Variants in MXRA7 observed in about 807,000 individuals in gnomAD.
MXRA7 encodes matrix-remodeling-associated protein 7.
In MXRA7, 18 loss-of-function variants were observed where a neutral mutation model predicts 17.4. The ratio of observed to expected loss-of-function variants is 1.03; its 90% CI spans 0.71 to 1.53. The LOEUF is 1.53. Among genes scored for constraint, MXRA7 ranks in the 40% most tolerant of loss-of-function variants. MXRA7 has a pLI of 0.00. For synonymous variants in MXRA7, 70 were observed against 101.7 expected (o/e 0.69, Z 1.87); for missense variants, 141 against 209.3 (o/e 0.67, Z 2.01).
intron 1 of MXRA7, chr17:76,688,539 G>A: frequency 7.8e-7 from 1 of 1,275,912 alleles, no homozygotes; most frequent in South Asian, 3.1e-5. Context: ...CAAGAGGAAA[G>A]CTGGCTGGGG....
intron 2 of MXRA7, 114 bp downstream of exon 2, chr17:76,687,999 T>TCCCCCCCCCC: frequency 1.2e-6 from 1 of 801,728 alleles, no homozygotes; most frequent in Non-Finnish European, 2.0e-6. Context: ...CAGGCCACTG[T>TCCCCCCCCCC]CCCACCCCAT....
In MXRA7 at chr17:76,707,626, C is replaced by A. The variant is rs547423658; in HGVS notation, c.342+2979G>T. 3.9e-5 allele frequency among the ~76,000 whole-genome samples: 6 copies of A among 152,214 alleles called. No homozygotes were observed. The South Asian group carries it at 1.2e-3, about 32-fold the overall frequency. The stretch of plus-strand genomic sequence containing the variant: ...GGCTCTAGTCTGTCTATGAGCAGAG[C>A]TAGGCCCCAAGTACCGAGATACTTG... On this transcript the variant is annotated intron_variant, in intron 1 of 3. Transcript: ENST00000449428.
chr17:76,688,060 A>C lies in MXRA7; in HGVS notation c.406+53T>G, dbSNP rs2076422402. 16 of 1,561,778 alleles carry C rather than the reference A, an allele frequency of 1.0e-5. No homozygotes were observed. In the South Asian group the frequency reaches 1.8e-4, roughly 18 times the overall value. ...GCTCCTGTGATCCCCAGCAGGACAC[A>C]GACCACCCCCGACACTGTCAGGCCC... On this transcript the variant is annotated intron_variant, in intron 2 of 3. Transcript: ENST00000449428.
intron 1 of MXRA7, among the ~76,000 whole-genome samples, chr17:76,698,018 G>A (rs1007885843): frequency 6.6e-6 from 1 of 152,192 alleles, no homozygotes; most frequent in African/African-American, 2.4e-5. Flanking sequence ...TGCCCAAGGA[G>A]ATGGTTCTGC....
chr17:76,692,454 T>A (rs2076487688), intron 1 of MXRA7, among the ~76,000 whole-genome samples: 1 of 151,956 alleles, frequency 6.6e-6, no homozygotes, highest in Non-Finnish European at 1.5e-5. Flanking sequence ...GGTTTCTCCA[T>A]GTTGGTCAGG....
intron 1 of MXRA7, among the ~76,000 whole-genome samples, chr17:76,695,057 G>T (rs935659707): frequency 1.3e-4 from 20 of 152,110 alleles, no homozygotes; most frequent in African/African-American, 4.8e-4. Context: ...CTACTTGGGA[G>T]GCTGAGTCAG....
chr17:76,686,766 T>A (rs2076403152), intron 2 of MXRA7, among the ~76,000 whole-genome samples: 1 of 152,120 alleles, frequency 6.6e-6, no homozygotes, highest in Non-Finnish European at 1.5e-5. Flanking sequence ...CACTAATAAT[T>A]AACCTCTGAG....
intron 2 of MXRA7, 127 bp downstream of exon 2, chr17:76,687,986 A>T (rs1174271869): frequency 1.4e-5 from 13 of 944,130 alleles, no homozygotes; most frequent in Non-Finnish European, 2.1e-5. Context: ...CTCATGCCCC[A>T]CTCAGGCCAC....
At chr17:76,697,885 G>A (rs535023448) in intron 1 of MXRA7, among the ~76,000 whole-genome samples, 8 of 151,972 alleles carry the variant, frequency 5.3e-5, no homozygotes, top group Non-Finnish European at 7.4e-5. Flanking sequence ...TGCTGAAGTC[G>A]GGAGAGGGAG....
At chr17:76,686,718 T>C (rs575518975) in intron 2 of MXRA7, among the ~76,000 whole-genome samples, 3 of 152,282 alleles carry the variant, frequency 2.0e-5, no homozygotes, top group East Asian at 1.9e-4. Flanking sequence ...CAGTCTCCTG[T>C]GAATTCACCT....
intron 1 of MXRA7, chr17:76,689,427 G>C (rs2076451725): frequency 6.6e-6 from 1 of 152,384 alleles, no homozygotes; most frequent in Admixed American, 6.5e-5. Context: ...AATGCTGCCT[G>C]GGGGGAGCTG....
chr17:76,688,656 A>C, intron 1 of MXRA7: 1 of 1,238,562 alleles, frequency 8.1e-7, no homozygotes, highest in Non-Finnish European at 1.0e-6. Flanking sequence ...ATGTTCCCAA[A>C]ACTGGAGCCC....
intron 1 of MXRA7, among the ~76,000 whole-genome samples, chr17:76,708,182 CG>C (rs1390688220): frequency 7.2e-5 from 11 of 152,232 alleles, no homozygotes; most frequent in Non-Finnish European, 1.2e-4. Flanking sequence ...GGCTGCTTCC[CG>C]GGGCGAGAGA....
intron 1 of MXRA7, among the ~76,000 whole-genome samples, chr17:76,701,391 CG>C (rs1263568401): frequency 6.6e-6 from 1 of 151,670 alleles, no homozygotes; most frequent in Non-Finnish European, 1.5e-5. Flanking sequence ...TGAGGAATGC[CG>C]GGTGGAGGGG....
At chr17:76,692,483 C>T (rs534929395) in intron 1 of MXRA7, among the ~76,000 whole-genome samples, 12 of 152,084 alleles carry the variant, frequency 7.9e-5, no homozygotes, top group African/African-American at 2.7e-4. Context: ...GAACTCCCGA[C>T]CTCAGGTGAT....
chr17:76,703,860 G>A (rs925102788), intron 1 of MXRA7: 3 of 151,896 alleles, frequency 2.0e-5, no homozygotes, highest in South Asian at 4.2e-4. Context: ...AACAACTTCC[G>A]TGAGTCCTGC....
chr17:76,692,495 C>T lies in MXRA7; in HGVS notation c.343-4319G>A, dbSNP rs183101016. Among the ~76,000 whole-genome samples, 187 of 151,976 alleles carry T rather than the reference C, an allele frequency of 1.2e-3. 4 individuals carry two copies. In the East Asian group the frequency reaches 0.033, roughly 27 times the overall value. ...CTCGAACTCCCGACCTCAGGTGATC[C>T]GCCCGTCTCGGCCTCCCAAACTGCT... On this transcript the variant is annotated intron_variant, in intron 1 of 3. Coordinates refer to ENST00000449428, the MANE Select transcript of MXRA7 (RefSeq NM_198530.4).
intron 1 of MXRA7, among the ~76,000 whole-genome samples, chr17:76,702,887 A>T (rs1406111493): frequency 2.7e-5 from 4 of 149,632 alleles, no homozygotes; most frequent in Admixed American, 2.7e-4. Flanking sequence ...ATATATATAT[A>T]TATCTTGAGG....
chr17:76,689,793 G>A (rs2076457465), intron 1 of MXRA7: 1 of 152,120 alleles, frequency 6.6e-6, no homozygotes, highest in African/African-American at 2.4e-5. Flanking sequence ...GATCAGCTGA[G>A]GTTGGGAATT....
Sources: allele counts gnomAD v4.1 joint callset (sites outside exome capture counted in the v4.1 genomes callset), GRCh38; gene constraint gnomAD v4.1.1; transcripts MANE v1.5; gene names NCBI Gene and HGNC (gene_info 2026-07-23, HGNC 2026-07-21).